IFI27: variants seen among roughly 807,000 people sequenced by gnomAD.
The protein encoded by IFI27 is interferon alpha inducible protein 27, also known as interferon alpha-inducible protein 27, mitochondrial.
In IFI27, 3 loss-of-function variants were observed where a neutral mutation model predicts 8.9. The observed-to-expected ratio is 0.34, with a 90% CI of 0.15 to 0.87. IFI27 has a LOEUF of 0.87. Ranked by LOEUF, IFI27 falls within the 40% of genes least tolerant of loss-of-function variation. The probability of loss-of-function intolerance (pLI) is 0.51; values close to 1 mark genes in which losing one functional copy is unlikely to be tolerated. For missense variants in IFI27, 152 were observed against 157.7 expected, an observed-to-expected ratio of 0.96 and a Z score of 0.19; for synonymous variants, 66 against 67.3, an observed-to-expected ratio of 0.98 and a Z score of 0.09.
In IFI27 at chr14:94,116,448, C is replaced by T; in HGVS notation, c.290C>T (p.Thr97Ile). 2 of 1,611,802 alleles carry T rather than the reference C, an allele frequency of 1.2e-6. No homozygotes were observed. The highest frequency in any genetic ancestry group is 2.2e-5 in the South Asian group (2 of 90,430). The change falls in exon 5 of 5, where the codon ACT becomes ATT. Residue 97 changes from threonine (T) to isoleucine (I), a missense_variant. By Grantham distance (89) the Thr-to-Ile change is moderately conservative. Coordinates refer to ENST00000621160, the Ensembl canonical transcript of IFI27. The surrounding 1 kb of genome is among the most constrained non-coding windows in gnomAD (Gnocchi z 4.3). ...ACCCTCTGCTTCTTCCCAGGAGCAA[C>T]TGGACTCTCCGGATTGACCAAGTTC...
upstream of IFI27, among the ~76,000 whole-genome samples, chr14:94,110,151 C>A (rs963795988): frequency 1.3e-5 from 2 of 152,252 alleles, no homozygotes; most frequent in Non-Finnish European, 1.5e-5. Flanking sequence ...ACTGCCCCCC[C>A]ATAATTCTGC....
chr14:94,108,843 C>T (rs868715874), upstream of IFI27, among the ~76,000 whole-genome samples: 1 of 151,846 alleles, frequency 6.6e-6, no homozygotes, highest in Non-Finnish European at 1.5e-5. Context: ...TGCAATCCCA[C>T]AACATAAATA....
rs866755649 is a variant in IFI27, at chr14:94,111,698, C to T, written c.16C>T (p.Leu6Phe). Residue 6 changes from leucine (L) to phenylalanine (F), a missense_variant, in exon 2 of 5, where the codon CTC becomes TTC. Transcript: ENST00000621160. This position sits in a 1 kb window ranked among gnomAD's most constrained non-coding sequence, Gnocchi z 4.3. ...CCGAGCAGGCATGGAGGCCTCTGCT[C>T]TCACCTCATCAGCAGTGACCAGTGT... The T allele has an allele frequency of 3.7e-6, 6 of 1,614,144 alleles. 1 individual carries two copies. The South Asian group carries it at 6.6e-5, about 18-fold the overall frequency.
In IFI27 at chr14:94,111,848, C is replaced by T; in HGVS notation, c.91+75C>T. 8.9e-7 allele frequency: 1 copy of T among 1,127,928 alleles called. No individual in the cohort carries two copies. The highest frequency in any genetic ancestry group is 1.7e-5 in the Admixed American group (1 of 58,576). 69.9% of individuals were successfully genotyped at this position (1,127,928 alleles called of 1,614,324 possible). A position where few individuals can be genotyped will look rare whatever the true frequency, so the allele number is the denominator to read the frequency against. On this transcript the variant is annotated intron_variant, in intron 2 of 4. Coordinates refer to ENST00000621160, the Ensembl canonical transcript of IFI27. The surrounding 1 kb of genome is among the most constrained non-coding windows in gnomAD (Gnocchi z 4.3). ...AAGGGCGGGGGTCCTGTCCCGGGAC[C>T]CGTGGGAGAGAAAATGGGGGACACC...
upstream of IFI27, among the ~76,000 whole-genome samples, chr14:94,110,428 G>A (rs1595404968): frequency 6.6e-6 from 1 of 152,142 alleles, no homozygotes; most frequent in South Asian, 2.1e-4. Flanking sequence ...TCATTAGAAA[G>A]TAATATTTAT....
upstream of IFI27, among the ~76,000 whole-genome samples, chr14:94,108,568 C>G (rs1322140176): frequency 6.6e-6 from 1 of 152,176 alleles, no homozygotes; most frequent in African/African-American, 2.4e-5. Context: ...TGCAAAGTCT[C>G]TGGTACTGAT....
At chr14:94,107,840 TTTC>T (rs759144633), upstream of IFI27, among the ~76,000 whole-genome samples, 1 of 152,202 alleles carries the variant, frequency 6.6e-6, no homozygotes, top group Non-Finnish European at 1.5e-5. Context: ...TTTGGAGGAA[TTTC>T]TTTTTTTTAA....
chr14:94,109,740 A>G (rs1016365262), upstream of IFI27, among the ~76,000 whole-genome samples: 2 of 152,204 alleles, frequency 1.3e-5, no homozygotes, highest in African/African-American at 4.8e-5. Context: ...CTCCCATTAA[A>G]GCCTTGCTGG....
At chr14:94,107,981 C>G (rs1887035715), upstream of IFI27, among the ~76,000 whole-genome samples, 1 of 152,198 alleles carries the variant, frequency 6.6e-6, no homozygotes, top group Non-Finnish European at 1.5e-5. Flanking sequence ...CTAATGCTCT[C>G]CCTCACCCAG....
At chr14:94,105,915 G>A (rs747506051), upstream of IFI27, 1 of 152,166 alleles carries the variant, frequency 6.6e-6, no homozygotes, top group Non-Finnish European at 1.5e-5. Flanking sequence ...TGCTATGTAC[G>A]TGGGTATGCA....
intron 3 of IFI27, 139 bp from the exon 4 acceptor site, chr14:94,115,642 A>G (rs1887361270): frequency 2.4e-6 from 2 of 832,844 alleles, no homozygotes; most frequent in South Asian, 1.7e-5. Context: ...ATTCGTGCCT[A>G]TTGGCCGTGC....
At position 94,116,046 on chromosome 14, in the gene IFI27, C is replaced by T. The variant is rs989098351; in HGVS notation, c.283+104C>T. The T allele has an allele frequency of 1.8e-6, 2 of 1,120,060 alleles. No homozygotes were observed. Among genetic ancestry groups the T allele is most frequent in the Non-Finnish European group, 2.6e-6 (2 of 764,068 alleles). The allele number at this position is 1,120,060 out of a possible 1,614,324, so 69.4% of individuals were successfully genotyped here. A position where few individuals can be genotyped will look rare whatever the true frequency, so the allele number is the denominator to read the frequency against. ...CCTATGAACCTCAATCTCCCTGTTC[C>T]TCTGTCTCTCTCTACACATTCTCTC... On this transcript the variant is annotated intron_variant, in intron 4 of 4. Transcript: ENST00000621160. The surrounding 1 kb of genome is among the most constrained non-coding windows in gnomAD (Gnocchi z 4.3).
In IFI27 at chr14:94,111,499, G is replaced by GC. The variant is rs1283880006; in HGVS notation, c.-58-124dup. 3.3e-6 allele frequency: 2 copies of GC among 605,764 alleles called. No homozygotes were observed. Among genetic ancestry groups the GC allele is most frequent in the Non-Finnish European group, 6.0e-6 (2 of 336,034 alleles). The allele number at this position is 605,764 out of a possible 1,614,324, so 37.5% of individuals were successfully genotyped here. ...TCCCTCACCCCAGGATCCTTTCAAG[G>GC]CCTGCTGCTCCACAAGCTCAGAGCA... On this transcript the variant is annotated intron_variant, in intron 1 of 4. Coordinates refer to ENST00000621160, the Ensembl canonical transcript of IFI27. This position sits in a 1 kb window ranked among gnomAD's most constrained non-coding sequence, Gnocchi z 4.3.
Position 94,114,885 on chromosome 14 carries a change from G to A in IFI27, c.121+5G>A. ...CTACAGTTGTGATTGGAGGAGGTGAGTCTGTGGGGAAGGGGCTCAAGTAAC... is the reference window on the plus strand; with the variant it reads ...CTACAGTTGTGATTGGAGGAGGTGAATCTGTGGGGAAGGGGCTCAAGTAAC... On this transcript the variant is annotated splice_donor_5th_base_variant and intron_variant, in intron 3 of 4. Transcript: ENST00000621160. The A allele has an allele frequency of 1.2e-6, 2 of 1,614,188 alleles. No homozygotes were observed. The highest frequency in any genetic ancestry group is 1.7e-6 in the Non-Finnish European group (2 of 1,179,980).
intron 2 of IFI27, chr14:94,112,934 G>A (rs148451348): frequency 2.2e-4 from 33 of 152,390 alleles, no homozygotes; most frequent in African/African-American, 7.2e-4. Context: ...AAATGCAGAT[G>A]ACTTCTCAGT....
rs114731937 is a variant in IFI27 at position 94,111,875 on chromosome 14, G to A, written c.91+102G>A. 776 of 908,340 alleles carry A rather than the reference G, an allele frequency of 8.5e-4. 4 individuals carry two copies. The African/African-American group carries it at 0.012, about 14-fold the overall frequency. 56.3% of individuals were successfully genotyped at this position (908,340 alleles called of 1,614,324 possible). On this transcript the variant is annotated intron_variant, in intron 2 of 4. Coordinates refer to ENST00000621160, the Ensembl canonical transcript of IFI27. This position sits in a 1 kb window ranked among gnomAD's most constrained non-coding sequence, Gnocchi z 4.3. ...GTGGGAGAGAAAATGGGGGACACCCGCAGCCTTGCTGCCCTGTCCTGTCTT... is the reference window on the plus strand; with the variant it reads ...GTGGGAGAGAAAATGGGGGACACCCACAGCCTTGCTGCCCTGTCCTGTCTT...
At chr14:94,115,866 G>C in exon 4 of IFI27, 1 of 1,603,036 alleles carries the variant, frequency 6.2e-7, no homozygotes. Flanking sequence ...TAGCAGCCAA[G>C]ATGATGTCCG....
chr14:94,111,872 CCCGCAGCCTTG>C lies in IFI27; in HGVS notation c.91+101_91+111del. On this transcript the variant is annotated intron_variant, in intron 2 of 4. Transcript: ENST00000621160. This position sits in a 1 kb window ranked among gnomAD's most constrained non-coding sequence, Gnocchi z 4.3. ...CCCGTGGGAGAGAAAATGGGGGACA[CCCGCAGCCTTG>C]CTGCCCTGTCCTGTCTTCTCACAGC... is the stretch of plus-strand genomic sequence containing the variant. 1 of 932,508 alleles carries C rather than the reference CCCGCAGCCTTG, an allele frequency of 1.1e-6. No individual in the cohort carries two copies. 57.8% of individuals were successfully genotyped at this position (932,508 alleles called of 1,614,324 possible). A position where few individuals can be genotyped will look rare whatever the true frequency, so the allele number is the denominator to read the frequency against.
chr14:94,115,601 C>T, intron 3 of IFI27, 180 bp from the exon 4 acceptor site: 1 of 653,252 alleles, frequency 1.5e-6, no homozygotes, highest in Non-Finnish European at 2.6e-6. Context: ...GCTTTTCCCT[C>T]TACTTTCCCC....
Sources: allele counts gnomAD v4.1 joint callset (sites outside exome capture counted in the v4.1 genomes callset), GRCh38; gene constraint gnomAD v4.1.1; non-coding constraint Gnocchi (gnomAD v3.1); transcripts MANE v1.5; gene names NCBI Gene and HGNC (gene_info 2026-07-23, HGNC 2026-07-21).